Variants in TCTN2 observed in about 807,000 individuals in gnomAD.
TCTN2 encodes tectonic family member 2.
TCTN2 carries 66 observed loss-of-function variants against 83.4 expected under a neutral mutation model. The observed-to-expected ratio is 0.79, with a 90% CI of 0.65 to 0.97. TCTN2 has a LOEUF of 0.97. Among genes scored for constraint, TCTN2 ranks in the 50% least tolerant of loss-of-function variants. TCTN2 has a pLI of 0.00. For synonymous variants in TCTN2, 301 were observed against 326.7 expected, an observed-to-expected ratio of 0.92 and a Z score of 0.85; for missense variants, 794 against 858.1, an observed-to-expected ratio of 0.93 and a Z score of 0.93.
intron 4 of TCTN2, among the ~76,000 whole-genome samples, chr12:123,677,798 C>CT (rs893579124): frequency 1.8e-4 from 28 of 151,634 alleles, no homozygotes; most frequent in African/African-American, 5.6e-4. Flanking sequence ...CAAACTCTTT[C>CT]TTTTTTTTTA....
chr12:123,694,701 C>T, intron 9 of TCTN2, 141 bp from the exon 10 acceptor site: 2 of 818,226 alleles, frequency 2.4e-6, no homozygotes, highest in South Asian at 1.6e-5. Flanking sequence ...AAGCAGTGAC[C>T]GTGCCATGTT....
Position 123,696,809 on chromosome 12 carries a change from C to G in TCTN2, c.1394-278C>G, listed in dbSNP as rs570326124. ...GTGCTAATTGGAGACATGAAAATAA[C>G]TTCGTTCTGAACTGCAGGAAATCTG... On this transcript the variant is annotated intron_variant, in intron 12 of 17. Transcript: ENST00000303372. The G allele has an allele frequency of 7.6e-6, 4 of 529,270 alleles. No homozygotes were observed. In the South Asian group the frequency reaches 8.2e-5, roughly 11 times the overall value. 32.8% of individuals were successfully genotyped at this position (529,270 alleles called of 1,614,324 possible). A position where few individuals can be genotyped will look rare whatever the true frequency, so the allele number is the denominator to read the frequency against.
chr12:123,674,892 GAC>G (rs1354658267), intron 4 of TCTN2, among the ~76,000 whole-genome samples: 1 of 151,980 alleles, frequency 6.6e-6, no homozygotes, highest in Non-Finnish European at 1.5e-5. Context: ...TTTTTTTAGA[GAC>G]ACGGTCTCAC....
At chr12:123,700,572 A>G (rs1212581164) in intron 14 of TCTN2, among the ~76,000 whole-genome samples, 1 of 152,176 alleles carries the variant, frequency 6.6e-6, no homozygotes, top group Non-Finnish European at 1.5e-5. Flanking sequence ...AGCTGGGATT[A>G]CAGGCGCCCA....
rs34123979 is a variant in TCTN2 at position 123,695,585 on chromosome 12, CT to C, written c.1312+305del. 77,882 of 172,634 alleles carry C rather than the reference CT, an allele frequency of 0.45. 15,649 individuals carry two copies. The highest frequency in any genetic ancestry group is 0.63 in the African/African-American group (24,125 of 38,172). 10.7% of individuals were successfully genotyped at this position (172,634 alleles called of 1,614,324 possible). ...TACAGGTGCACACCACCATGCCTGG[CT>C]TTTTTTTTTTTTTTTTAATCACACA... On this transcript the variant is annotated intron_variant, in intron 11 of 17. Coordinates refer to ENST00000303372, the MANE Select transcript of TCTN2 (RefSeq NM_024809.5).
At chr12:123,692,293 C>T (rs751760889) in intron 8 of TCTN2, among the ~76,000 whole-genome samples, 10 of 152,240 alleles carry the variant, frequency 6.6e-5, no homozygotes, top group Non-Finnish European at 1.2e-4. Context: ...AATCTGCCTG[C>T]CTCGGCCTCC....
intron 5 of TCTN2, among the ~76,000 whole-genome samples, chr12:123,684,177 G>A (rs368412807): frequency 2.6e-5 from 4 of 152,114 alleles, no homozygotes; most frequent in East Asian, 1.9e-4. Context: ...TTGGAGATAA[G>A]TACACACCCA....
chr12:123,701,314 A>C (rs1220745569), intron 14 of TCTN2, among the ~76,000 whole-genome samples: 1 of 152,210 alleles, frequency 6.6e-6, no homozygotes, highest in Non-Finnish European at 1.5e-5. Flanking sequence ...AAATGTTCTA[A>C]AATAGAATCT....
intron 4 of TCTN2, among the ~76,000 whole-genome samples, chr12:123,676,353 G>A (rs1470522436): frequency 6.6e-6 from 1 of 152,008 alleles, no homozygotes; most frequent in Non-Finnish European, 1.5e-5. Flanking sequence ...CGGATCACGA[G>A]GTCAGGAGAT....
chr12:123,673,019 C>CA, intron 3 of TCTN2, among the ~76,000 whole-genome samples: 2 of 152,260 alleles, frequency 1.3e-5, no homozygotes, highest in Middle Eastern at 6.8e-3. Context: ...CACTGCACTC[C>CA]AGCTTGGGTG....
At position 123,688,086 on chromosome 12, in the gene TCTN2, T is replaced by G; in HGVS notation, c.800T>G (p.Val267Gly). ...PKQDSSFEVY[V>G]DTDAKDFADF... ...CAGGACTCTTCCTTTGAAGTATATG[T>G]GGATACTGACGCAAAAGACTTTGCA... Residue 267 changes from valine to glycine, a missense_variant, in exon 7 of 18, where the codon GTG becomes GGG. Coordinates refer to ENST00000303372, the MANE Select transcript of TCTN2 (RefSeq NM_024809.5). 6.2e-7 allele frequency: 1 copy of G among 1,614,130 alleles called. No homozygotes were observed. Among genetic ancestry groups the G allele is most frequent in the Non-Finnish European group, 8.5e-7 (1 of 1,180,000 alleles).
chr12:123,673,833 A>G (rs1955787059), intron 4 of TCTN2, 23 bp downstream of exon 4: 2 of 1,610,490 alleles, frequency 1.2e-6, no homozygotes, highest in Non-Finnish European at 1.7e-6. Context: ...TTTGACTGTC[A>G]AAACTTTCAT....
At chr12:123,683,222 C>CAA (rs1310095535) in intron 5 of TCTN2, among the ~76,000 whole-genome samples, 7 of 151,428 alleles carry the variant, frequency 4.6e-5, no homozygotes, top group Non-Finnish European at 4.4e-5. Context: ...GAGTCCATCT[C>CAA]AAAAAAATAA....
chr12:123,682,425 AAG>A (rs758100814), intron 5 of TCTN2, among the ~76,000 whole-genome samples: 27 of 151,992 alleles, frequency 1.8e-4, no homozygotes, highest in Non-Finnish European at 3.4e-4. Context: ...GCTGAATTGT[AAG>A]AGGGTTCACT....
At chr12:123,699,016 T>C (rs897086889) in intron 13 of TCTN2, among the ~76,000 whole-genome samples, 16 of 152,164 alleles carry the variant, frequency 1.1e-4, no homozygotes, top group African/African-American at 3.6e-4. Context: ...CAGCTAGATA[T>C]ATAGGTTACT....
chr12:123,701,741 TCA>T (rs1956175451), intron 14 of TCTN2, among the ~76,000 whole-genome samples: 1 of 140,756 alleles, frequency 7.1e-6, no homozygotes, highest in Non-Finnish European at 1.5e-5. Context: ...AGACTCCGTC[TCA>T]CAAAAAAAAA....
At chr12:123,684,965 G>A (rs1258803736) in intron 5 of TCTN2, among the ~76,000 whole-genome samples, 3 of 150,944 alleles carry the variant, frequency 2.0e-5, no homozygotes, top group Non-Finnish European at 4.4e-5. Context: ...CAGGAGAATC[G>A]CTTGAACCCA....
intron 9 of TCTN2, among the ~76,000 whole-genome samples, chr12:123,693,376 C>CTTTTT (rs373196834): frequency 2.3e-4 from 21 of 92,944 alleles, no homozygotes; most frequent in East Asian, 8.3e-4. Context: ...GCTTTCTTTC[C>CTTTTT]TTTTTTTTTT....
chr12:123,694,286 C>T (rs1186873259), intron 9 of TCTN2, among the ~76,000 whole-genome samples: 1 of 152,186 alleles, frequency 6.6e-6, no homozygotes, highest in African/African-American at 2.4e-5. Flanking sequence ...AGCCACCGCA[C>T]CCGGCCTAAT....
Sources: gnomAD v4.1 joint callset for allele counts (sites outside exome capture counted in the v4.1 genomes callset) on GRCh38, gnomAD v4.1.1 for gene constraint, MANE v1.5 for transcripts, NCBI Gene and HGNC (gene_info 2026-07-23, HGNC 2026-07-21) for gene names.